ETV1: variants seen among roughly 807,000 people sequenced by gnomAD.
ETV1 encodes the protein ETS translocation variant 1.
In ETV1, 27 loss-of-function variants were observed where a neutral mutation model predicts 62.3. That is an observed-to-expected ratio of 0.43 (90% CI 0.32 to 0.60). The LOEUF (loss-of-function observed/expected upper bound fraction) is 0.60. Ranked by LOEUF, ETV1 falls within the 20% of genes least tolerant of loss-of-function variation. ETV1 has a pLI of 0.06. For missense variants in ETV1, 605 were observed against 605.8 expected, an observed-to-expected ratio of 1.00 and a Z score of 0.01; for synonymous variants, 222 against 199.6, an observed-to-expected ratio of 1.11 and a Z score of -0.94.
chr7:13,931,355 T>C (rs1786126308), intron 9 of ETV1, 147 bp downstream of exon 9: 1 of 785,886 alleles, frequency 1.3e-6, no homozygotes, highest in African/African-American at 1.7e-5. Flanking sequence ...TCTTTACACG[T>C]AGATGAAGTT....
intron 9 of ETV1, among the ~76,000 whole-genome samples, chr7:13,922,183 G>A (rs1275167989): frequency 6.6e-6 from 1 of 152,098 alleles, no homozygotes; most frequent in Non-Finnish European, 1.5e-5. Context: ...TTTAGATATT[G>A]TGGTTTTTAT....
intron 6 of ETV1, among the ~76,000 whole-genome samples, chr7:13,966,035 T>C (rs959680149): frequency 2.6e-5 from 4 of 152,212 alleles, no homozygotes; most frequent in East Asian, 1.9e-4. Context: ...TTAGGATCTA[T>C]GTAAAGTATG....
In ETV1 at chr7:13,891,745, C is replaced by T. The variant is rs1008302069; in HGVS notation, c.*4121G>A. ...TCTTAGTAGAATTGCTTAATATGTA[C>T]ATTTGCCTTCTTTATATTTTTTCCA... On this transcript the variant is annotated 3_prime_UTR_variant, in exon 14 of 14. Transcript: ENST00000430479. The T allele has an allele frequency of 4.3e-6, 1 of 231,808 alleles. No individual in the cohort carries two copies. Among genetic ancestry groups the T allele is most frequent in the African/African-American group, 2.2e-5 (1 of 45,282 alleles). 14.4% of individuals were successfully genotyped at this position (231,808 alleles called of 1,614,324 possible).
At chr7:13,962,373 C>CCTACTCTTATACAGTACAATGTA (rs1790287887) in intron 6 of ETV1, among the ~76,000 whole-genome samples, 1 of 152,014 alleles carries the variant, frequency 6.6e-6, no homozygotes, top group Admixed American at 6.6e-5. Flanking sequence ...GGTCCAATGT[C>CCTACTCTTATACAGTACAATGTA]CTACTCTTAT....
intron 9 of ETV1, among the ~76,000 whole-genome samples, chr7:13,915,591 G>A (rs3801090): frequency 0.085 from 12,960 of 152,110 alleles, 573 homozygotes; most frequent in East Asian, 0.14. Context: ...GGTTTACAAG[G>A]ATGCATAGAT....
intron 6 of ETV1, among the ~76,000 whole-genome samples, chr7:13,968,123 T>C (rs1031641956): frequency 2.6e-5 from 4 of 152,080 alleles, no homozygotes; most frequent in Admixed American, 2.0e-4. Flanking sequence ...AAAGAAGGTA[T>C]AGATCACTTT....
chr7:13,956,347 C>G (rs1789460668), intron 6 of ETV1, among the ~76,000 whole-genome samples: 2 of 151,800 alleles, frequency 1.3e-5, no homozygotes, highest in South Asian at 4.2e-4. Context: ...GCTCTAGAGT[C>G]TCCCTATTAC....
In ETV1 at chr7:13,891,846, A is replaced by T; in HGVS notation, c.*4020T>A. The T allele has an allele frequency of 4.3e-6, 1 of 231,668 alleles. No individual in the cohort carries two copies. The highest frequency in any genetic ancestry group is 1.8e-4 in the South Asian group (1 of 5,508). The allele number at this position is 231,668 out of a possible 1,614,324, so 14.4% of individuals were successfully genotyped here. On this transcript the variant is annotated 3_prime_UTR_variant, in exon 14 of 14. Coordinates refer to ENST00000430479, the MANE Select transcript of ETV1 (RefSeq NM_004956.5). The stretch of plus-strand genomic sequence containing the variant: ...TCTCCATACCAAATCGCAAATGGAA[A>T]ATAGCTTACTCACTTCTTATTTTTA...
chr7:13,919,700 AT>A (rs1470351399), intron 9 of ETV1, among the ~76,000 whole-genome samples: 3 of 152,136 alleles, frequency 2.0e-5, no homozygotes, highest in Non-Finnish European at 2.9e-5. Context: ...ATGAAATAAA[AT>A]GTCTCTTTTC....
At chr7:13,918,871 T>C (rs1180968448) in intron 9 of ETV1, among the ~76,000 whole-genome samples, 1 of 48,188 alleles carries the variant, frequency 2.1e-5, no homozygotes, top group East Asian at 4.9e-4. Flanking sequence ...ACTTAAAGTA[T>C]AATAAAAAAA....
At chr7:13,950,941 C>CACACACACAA (rs796670451) in intron 6 of ETV1, among the ~76,000 whole-genome samples, 73 of 147,220 alleles carry the variant, frequency 5.0e-4, no homozygotes, top group African/African-American at 1.5e-3. Flanking sequence ...CACACACACA[C>CACACACACAA]AATATCGAGC....
intron 12 of ETV1, among the ~76,000 whole-genome samples, chr7:13,901,859 G>C (rs937607060): frequency 6.6e-6 from 1 of 152,076 alleles, no homozygotes; most frequent in Non-Finnish European, 1.5e-5. Context: ...CTACTCTGTT[G>C]TTTAATAAAA....
chr7:13,985,058 A>AT (rs1478700243), intron 5 of ETV1, among the ~76,000 whole-genome samples: 2 of 152,072 alleles, frequency 1.3e-5, no homozygotes, highest in Non-Finnish European at 2.9e-5. Context: ...CTTGGAATCA[A>AT]TGAGATTTAA....
At chr7:13,936,826 A>G (rs972877542) in intron 7 of ETV1, among the ~76,000 whole-genome samples, 1 of 152,130 alleles carries the variant, frequency 6.6e-6, no homozygotes, top group African/African-American at 2.4e-5. Flanking sequence ...GGATCGCTTA[A>G]GCACGGGAGT....
intron 5 of ETV1, 56 bp downstream of exon 5, chr7:13,986,582 T>G: frequency 6.2e-7 from 1 of 1,606,122 alleles, no homozygotes; most frequent in Non-Finnish European, 8.5e-7. Flanking sequence ...TCAGGACTTC[T>G]TTTCTTTCTC....
intron 6 of ETV1, chr7:13,974,786 G>A (rs1295822162): frequency 2.0e-5 from 3 of 152,276 alleles, no homozygotes; most frequent in Non-Finnish European, 4.4e-5. Context: ...CGTTGGTCAG[G>A]AAAAATCATG....
chr7:13,988,750 T>C (rs1244025557), intron 3 of ETV1: 2 of 1,612,614 alleles, frequency 1.2e-6, no homozygotes, highest in East Asian at 4.5e-5. Context: ...CTGCCCTCCA[T>C]CTCCTCTTCC....
chr7:13,906,406 C>T (rs1782961902), intron 12 of ETV1, 24 bp downstream of exon 12: 2 of 1,461,176 alleles, frequency 1.4e-6, no homozygotes, highest in South Asian at 1.5e-5. Flanking sequence ...TCTGAGTGTC[C>T]TAATTAAAAT....
intron 13 of ETV1, among the ~76,000 whole-genome samples, chr7:13,896,362 C>A (rs2189886): frequency 6.6e-6 from 1 of 151,822 alleles, no homozygotes; most frequent in Admixed American, 6.6e-5. Context: ...ATTTGCTTGT[C>A]TTAATATAGA....
Sources: gnomAD v4.1 joint callset for allele counts (sites outside exome capture counted in the v4.1 genomes callset) on GRCh38, gnomAD v4.1.1 for gene constraint, MANE v1.5 for transcripts, NCBI Gene and HGNC (gene_info 2026-07-23, HGNC 2026-07-21) for gene names.